The following RNLS variants were observed in gnomAD, a reference collection of about 807,000 sequenced individuals.
RNLS encodes the protein renalase.
A neutral mutation model predicts 39.8 loss-of-function variants in RNLS; 39 were observed. The ratio of observed to expected loss-of-function variants is 0.98; its 90% confidence interval spans 0.76 to 1.28. The LOEUF (loss-of-function observed/expected upper bound fraction) is 1.28, where lower values mean the gene tolerates loss of function less well. Among genes scored for constraint, RNLS ranks in the 50% most tolerant of loss-of-function variants. The probability of loss-of-function intolerance (pLI) is 0.00; values close to 1 mark genes in which losing one functional copy is unlikely to be tolerated. For missense variants in RNLS, 410 were observed against 413.3 expected (o/e 0.99, Z 0.07); for synonymous variants, 147 against 150.7 (o/e 0.98, Z 0.18).
downstream of RNLS, among the ~76,000 whole-genome samples, chr10:88,271,596 G>A (rs574299866): frequency 6.6e-6 from 1 of 152,318 alleles, no homozygotes; most frequent in South Asian, 2.1e-4. Flanking sequence ...GGTCTGCTCA[G>A]CACAGCAGGC....
intron 4 of RNLS, among the ~76,000 whole-genome samples, chr10:88,461,213 C>T (rs61427689): frequency 3.6e-4 from 55 of 152,186 alleles, no homozygotes; most frequent in African/African-American, 1.2e-3. Flanking sequence ...CCTCAAGGCT[C>T]AGCATCTATC....
intron 6 of RNLS, among the ~76,000 whole-genome samples, chr10:88,290,512 C>T (rs563685721): frequency 1.2e-4 from 18 of 152,234 alleles, no homozygotes; most frequent in African/African-American, 4.1e-4. Context: ...GAATCTAAGG[C>T]ACCATAAAAC....
intron 5 of RNLS, among the ~76,000 whole-genome samples, chr10:88,327,482 G>A (rs771595853): frequency 2.6e-5 from 4 of 152,108 alleles, no homozygotes; most frequent in Non-Finnish European, 5.9e-5. Flanking sequence ...CATGAGAAAG[G>A]TCTAAGGTTG....
rs1479474467 is a variant in RNLS at position 88,461,710 on chromosome 10, A to C, written c.527-98985T>G. On this transcript the variant is annotated intron_variant, in intron 4 of 6. Coordinates refer to ENST00000331772, the MANE Select transcript of RNLS (RefSeq NM_001031709.3). ...GTATCTTGCTAAATGCTAGGAATAT[A>C]CCAAGTACACAATATATAAAGTAGG... is the stretch of plus-strand genomic sequence containing the variant. Among the ~76,000 whole-genome samples, 4 of 152,080 alleles carry C rather than the reference A, an allele frequency of 2.6e-5. No homozygotes were observed. In the South Asian group the frequency reaches 8.3e-4, roughly 31 times the overall value.
chr10:88,274,941 G>T, exon 7 of RNLS: 2 of 1,592,152 alleles, frequency 1.3e-6, no homozygotes, highest in Non-Finnish European at 1.7e-6. Flanking sequence ...ACCTGACTGT[G>T]TGCTCCAATT....
intron 4 of RNLS, among the ~76,000 whole-genome samples, chr10:88,370,330 G>A (rs1850452588): frequency 6.6e-6 from 1 of 152,108 alleles, no homozygotes; most frequent in Non-Finnish European, 1.5e-5. Context: ...CTTTTAAAAA[G>A]TGTATCAAGG....
the RNLS span, among the ~76,000 whole-genome samples, chr10:88,261,129 T>G: frequency 1.3e-5 from 2 of 152,220 alleles, no homozygotes; most frequent in African/African-American, 4.8e-5. Context: ...ATTAAAATGG[T>G]CAGTATGGAA....
rs561688561 is a variant in RNLS at position 88,517,607 on chromosome 10, AT to A, written c.526+55295del. ...TTTTAAAAAGTGACTTCCATGAGCC[AT>A]TTATTCATCTAATATTTTTACTGCC... On this transcript the variant is annotated intron_variant, in intron 4 of 6. Coordinates refer to ENST00000331772, the MANE Select transcript of RNLS (RefSeq NM_001031709.3). Among the ~76,000 whole-genome samples the A allele has an allele frequency of 3.3e-5, 5 of 152,014 alleles. No individual in the cohort carries two copies. The South Asian group carries it at 1.0e-3, about 32-fold the overall frequency.
At chr10:88,408,719 T>A (rs1189984274) in intron 4 of RNLS, among the ~76,000 whole-genome samples, 1 of 152,162 alleles carries the variant, frequency 6.6e-6, no homozygotes. Context: ...CTTCTTTGTT[T>A]CAAGCATAAT....
intron 6 of RNLS, among the ~76,000 whole-genome samples, chr10:88,307,883 C>A (rs528793593): frequency 5.3e-5 from 8 of 151,898 alleles, no homozygotes; most frequent in African/African-American, 1.9e-4. Context: ...CAATCCTAAG[C>A]AAAAGGAACA....
At chr10:88,346,638 AT>A (rs1296716012) in intron 5 of RNLS, among the ~76,000 whole-genome samples, 3 of 152,166 alleles carry the variant, frequency 2.0e-5, no homozygotes, top group African/African-American at 7.2e-5. Flanking sequence ...GTGCTGAAGT[AT>A]TAATTCTCAA....
intron 4 of RNLS, among the ~76,000 whole-genome samples, chr10:88,534,762 T>C (rs1332257888): frequency 6.6e-6 from 1 of 152,150 alleles, no homozygotes; most frequent in African/African-American, 2.4e-5. Context: ...AAAAGCAGGA[T>C]AGAATCCTGT....
chr10:88,190,586 A>C, the RNLS span, among the ~76,000 whole-genome samples: 1,676 of 152,300 alleles, frequency 0.011, 32 homozygotes, highest in African/African-American at 0.038. Flanking sequence ...GCATGCTATA[A>C]TATATTAAGG....
intron 4 of RNLS, among the ~76,000 whole-genome samples, chr10:88,563,607 T>C (rs1331729167): frequency 6.6e-6 from 1 of 152,174 alleles, no homozygotes; most frequent in Admixed American, 6.6e-5. Context: ...CCAGAGAATG[T>C]AGCCAGAGGT....
intron 5 of RNLS, chr10:88,343,727 C>T (rs930295136): frequency 1.5e-5 from 15 of 985,154 alleles, no homozygotes; most frequent in East Asian, 1.1e-4. Flanking sequence ...TTTCTTTGGC[C>T]GACACCTCCC....
intron 4 of RNLS, among the ~76,000 whole-genome samples, chr10:88,534,093 AAAG>A (rs1443104684): frequency 6.6e-6 from 1 of 152,104 alleles, no homozygotes; most frequent in East Asian, 1.9e-4. Context: ...AGAAATTTAT[AAAG>A]AAGGCACTGA....
the RNLS span, among the ~76,000 whole-genome samples, chr10:88,226,201 T>C: frequency 3.3e-5 from 5 of 152,234 alleles, no homozygotes; most frequent in Admixed American, 6.5e-5. Flanking sequence ...CAGCCCAATG[T>C]CAAAGACATC....
At chr10:88,483,540 A>G (rs984454053) in intron 4 of RNLS, among the ~76,000 whole-genome samples, 11 of 152,202 alleles carry the variant, frequency 7.2e-5, no homozygotes. Flanking sequence ...TACAAATTTC[A>G]TAATTGTCAT....
chr10:88,306,442 A>G (rs949582514), intron 6 of RNLS, among the ~76,000 whole-genome samples: 1 of 152,136 alleles, frequency 6.6e-6, no homozygotes, highest in Admixed American at 6.5e-5. Flanking sequence ...CTAGACTAAT[A>G]AAGAAGAAAA....
Sources: gnomAD v4.1 joint callset for allele counts (sites outside exome capture counted in the v4.1 genomes callset) on GRCh38, gnomAD v4.1.1 for gene constraint, MANE v1.5 for transcripts, NCBI Gene and HGNC (gene_info 2026-07-23, HGNC 2026-07-21) for gene names.